The following CDK13 variants were observed in gnomAD, a reference collection of about 807,000 sequenced individuals.
CDK13 encodes cyclin dependent kinase 13.
A neutral mutation model predicts 137.6 loss-of-function variants in CDK13; 40 were observed. The observed-to-expected ratio is 0.29, with a 90% confidence interval of 0.23 to 0.38. CDK13 has a LOEUF of 0.38. CDK13 is among the 10% of genes least tolerant of loss of function. The pLI, the probability that CDK13 is intolerant of heterozygous loss-of-function variation, is 1.00. For synonymous variants in CDK13, 869 were observed against 760.1 expected, an observed-to-expected ratio of 1.14 and a Z score of -2.36; for missense variants, 1,704 against 1,951.8, an observed-to-expected ratio of 0.87 and a Z score of 2.39.
At chr7:40,044,761 C>T (rs566089225) in intron 5 of CDK13, among the ~76,000 whole-genome samples, 7 of 152,268 alleles carry the variant, frequency 4.6e-5, no homozygotes, top group Middle Eastern at 3.4e-3. Flanking sequence ...CTCAGCCTCC[C>T]GAGTAGCTGG....
chr7:40,036,672 A>G (rs1785490916), intron 5 of CDK13, among the ~76,000 whole-genome samples: 1 of 151,740 alleles, frequency 6.6e-6, no homozygotes, highest in Non-Finnish European at 1.5e-5. Flanking sequence ...TAGTTAACAC[A>G]TTTTGCTAAA....
intron 13 of CDK13, among the ~76,000 whole-genome samples, chr7:40,093,508 C>T (rs1230353539): frequency 6.6e-6 from 1 of 152,080 alleles, no homozygotes; most frequent in Non-Finnish European, 1.5e-5. Context: ...ACTCCAAATA[C>T]GAAAGGATGC....
chr7:40,018,952 TATA>T (rs1785059048), intron 5 of CDK13, among the ~76,000 whole-genome samples: 1 of 152,260 alleles, frequency 6.6e-6, no homozygotes, highest in South Asian at 2.1e-4. Flanking sequence ...TTGTATTGTT[TATA>T]ATAACAAAAC....
chr7:40,063,066 G>A lies in CDK13; in HGVS notation c.2746G>A (p.Ala916Thr). Reference sequence around the variant, plus strand: ...CTTCACTAAAAAACCTATATTTCAAGCAAATCAGGAACTTGCACAACTAGA... The same window carrying A: ...CTTCACTAAAAAACCTATATTTCAAACAAATCAGGAACTTGCACAACTAGA... ...ELFTKKPIFQ[A>T]NQELAQLELI... The change falls in exon 9 of 14, where the codon GCA (alanine) becomes ACA (threonine). Residue 916 changes from alanine to threonine, a missense_variant. Physicochemically the swap from Ala to Thr is moderately conservative, Grantham distance 58. Coordinates refer to ENST00000181839, the MANE Select transcript of CDK13 (RefSeq NM_003718.5). 6.2e-7 allele frequency: 1 copy of A among 1,613,746 alleles called. No homozygotes were observed. The highest frequency in any genetic ancestry group is 8.5e-7 in the Non-Finnish European group (1 of 1,179,706).
In CDK13 at chr7:39,951,776, G is replaced by T. The variant is rs751373923; in HGVS notation, c.1135G>T (p.Gly379Cys). The T allele has an allele frequency of 6.8e-7, 1 of 1,478,420 alleles. No individual in the cohort carries two copies. The highest frequency in any genetic ancestry group is 2.5e-5 in the East Asian group (1 of 39,382). 91.6% of individuals were successfully genotyped at this position (1,478,420 alleles called of 1,614,324 possible). Residue 379 changes from glycine to cysteine, a missense_variant, in exon 1 of 14, where the codon GGC becomes TGC. Physicochemically the swap from Gly to Cys is radical, Grantham distance 159. This residue lies in a region of CDK13 where 1,051 missense variants were observed against 931.0 expected (regional missense o/e 1.13). Coordinates refer to ENST00000181839, the MANE Select transcript of CDK13 (RefSeq NM_003718.5). ...SYSRHSSYER[G>C]GDVSPSPYSS... Reference sequence around the variant, plus strand: ...CAGCCGCCACAGCTCCTACGAGCGGGGCGGCGACGTGTCCCCTAGTCCCTA... The same window carrying T: ...CAGCCGCCACAGCTCCTACGAGCGGTGCGGCGACGTGTCCCCTAGTCCCTA...
chr7:39,983,734 A>T (rs886282980), intron 1 of CDK13, among the ~76,000 whole-genome samples: 1 of 152,214 alleles, frequency 6.6e-6, no homozygotes, highest in East Asian at 1.9e-4. Flanking sequence ...GACGTATATC[A>T]GACTTGTTTG....
rs539649618 is a variant in CDK13 at position 40,023,735 on chromosome 7, T to A, written c.2353+21704T>A. Among the ~76,000 whole-genome samples the A allele has an allele frequency of 2.0e-5, 3 of 152,262 alleles. 1 individual carries two copies. In the South Asian group the frequency reaches 6.2e-4, roughly 32 times the overall value. The stretch of plus-strand genomic sequence containing the variant: ...AGGATGGTCTCGTGATCCGCCCGCC[T>A]CGGCCTCCCAAAGTGCTGAGATTAC... On this transcript the variant is annotated intron_variant, in intron 5 of 13. Transcript: ENST00000181839.
At chr7:40,061,527 G>A (rs1177766290) in intron 7 of CDK13, 2 of 152,178 alleles carry the variant, frequency 1.3e-5, no homozygotes, top group Non-Finnish European at 2.9e-5. Flanking sequence ...TAAATTGAAT[G>A]CTCCATTTCC....
At position 40,095,048 on chromosome 7, in the gene CDK13, C is replaced by A; in HGVS notation, c.*68C>A. The A allele has an allele frequency of 7.9e-7, 1 of 1,271,770 alleles. No homozygotes were observed. The highest frequency in any genetic ancestry group is 1.0e-6 in the Non-Finnish European group (1 of 976,202). The allele number at this position is 1,271,770 out of a possible 1,614,324, so 78.8% of individuals were successfully genotyped here. On this transcript the variant is annotated 3_prime_UTR_variant, in exon 14 of 14. Transcript: ENST00000181839. ...CTTTTCTAGCTGCAATTTAAGGCAGCAATCCAAGAGACTTGAATAATAATA... is the reference window on the plus strand; with the variant it reads ...CTTTTCTAGCTGCAATTTAAGGCAGAAATCCAAGAGACTTGAATAATAATA...
At chr7:40,020,831 G>A (rs1403699834) in intron 5 of CDK13, among the ~76,000 whole-genome samples, 1 of 152,140 alleles carries the variant, frequency 6.6e-6, no homozygotes, top group Non-Finnish European at 1.5e-5. Context: ...GGTGGCTCAC[G>A]CCCATAATCC....
intron 1 of CDK13, among the ~76,000 whole-genome samples, chr7:39,978,841 G>C (rs1784163952): frequency 6.6e-6 from 1 of 152,172 alleles, no homozygotes; most frequent in Admixed American, 6.5e-5. Flanking sequence ...ATGCATTATA[G>C]GGGAGTTAGC....
intron 5 of CDK13, among the ~76,000 whole-genome samples, chr7:40,039,046 G>A (rs764488081): frequency 6.6e-6 from 1 of 151,974 alleles, no homozygotes; most frequent in Non-Finnish European, 1.5e-5. Context: ...ACTTAGGGGC[G>A]CTTCGCTCTT....
chr7:39,969,746 CA>C (rs775068093), intron 1 of CDK13, among the ~76,000 whole-genome samples: 2 of 151,912 alleles, frequency 1.3e-5, no homozygotes, highest in Non-Finnish European at 2.9e-5. Flanking sequence ...GTTTTATTTG[CA>C]ATTCCCTAAT....
intron 1 of CDK13, among the ~76,000 whole-genome samples, chr7:39,973,516 G>A (rs1562705929): frequency 6.6e-6 from 1 of 152,112 alleles, no homozygotes; most frequent in Admixed American, 6.6e-5. Flanking sequence ...CTAGATGTAA[G>A]TCCTTTATCA....
At chr7:39,971,501 A>C (rs1783998052) in intron 1 of CDK13, among the ~76,000 whole-genome samples, 1 of 152,162 alleles carries the variant, frequency 6.6e-6, no homozygotes, top group Non-Finnish European at 1.5e-5. Context: ...TGGGCAACAG[A>C]GTAAGACTCG....
At chr7:40,024,939 C>T (rs1418722554) in intron 5 of CDK13, among the ~76,000 whole-genome samples, 2 of 152,104 alleles carry the variant, frequency 1.3e-5, no homozygotes, top group Non-Finnish European at 2.9e-5. Context: ...GCTGGGATTA[C>T]AAGTGTGAGC....
chr7:39,951,559 G>C lies in CDK13; in HGVS notation c.918G>C (p.Glu306Asp), dbSNP rs778742343. 4.6e-6 allele frequency: 7 copies of C among 1,532,744 alleles called. No individual in the cohort carries two copies. In the Admixed American group the frequency reaches 6.3e-5, roughly 14 times the overall value. 94.9% of individuals were successfully genotyped at this position (1,532,744 alleles called of 1,614,324 possible). A position where few individuals can be genotyped will look rare whatever the true frequency, so the allele number is the denominator to read the frequency against. ...AGGCCTACCGGGAGGACAAGACCGA[G>C]CCTAAGGCCTACAGGCGGCGGCGGT... ...PPKAYREDKT[E>D]PKAYRRRRSL... Residue 306 changes from glutamate (E) to aspartate (D), a missense_variant, in exon 1 of 14, where the codon GAG (glutamate) becomes GAC (aspartate). Transcript: ENST00000181839.
chr7:40,034,139 T>G (rs888129302), intron 5 of CDK13, among the ~76,000 whole-genome samples: 1 of 152,216 alleles, frequency 6.6e-6, no homozygotes, highest in African/African-American at 2.4e-5. Flanking sequence ...TGGAGGCCTC[T>G]CAGACAGGGT....
In CDK13 at chr7:39,951,618, C is replaced by A. The variant is rs754925610; in HGVS notation, c.977C>A (p.Pro326Gln). Reference protein sequence around the residue: ...LSPLGGRDDSPVSHRASQSLR... With the variant: ...LSPLGGRDDSQVSHRASQSLR... ...CCACTGGGAGGCCGGGACGACAGCC[C>A]GGTGTCCCACAGGGCCTCTCAGAGC... The change falls in exon 1 of 14, where the codon CCG (proline) becomes CAG (glutamine). Residue 326 changes from proline (P) to glutamine (Q), a missense_variant. Around this residue, in one of 5 missense-constraint regions of CDK13, gnomAD observed 1,051 missense variants for 931.0 expected, o/e 1.13. Coordinates refer to ENST00000181839, the MANE Select transcript of CDK13 (RefSeq NM_003718.5). 1.3e-6 allele frequency: 2 copies of A among 1,483,412 alleles called. No homozygotes were observed. The highest frequency in any genetic ancestry group is 1.8e-6 in the Non-Finnish European group (2 of 1,120,762). The allele number at this position is 1,483,412 out of a possible 1,614,324, so 91.9% of individuals were successfully genotyped here. A position where few individuals can be genotyped will look rare whatever the true frequency, so the allele number is the denominator to read the frequency against.
Sources: allele counts gnomAD v4.1 joint callset (sites outside exome capture counted in the v4.1 genomes callset), GRCh38; gene constraint gnomAD v4.1.1; regional missense constraint gnomAD v4.1.1; transcripts MANE v1.5; gene names NCBI Gene and HGNC (gene_info 2026-07-23, HGNC 2026-07-21).